ZNF469: variants seen among roughly 807,000 people sequenced by gnomAD.
ZNF469 encodes zinc finger protein 469.
A neutral mutation model predicts 1.0 loss-of-function variants in ZNF469; 1 was observed. The observed-to-expected ratio is 1.00, with a 90% confidence interval of 0.35 to 4.73. ZNF469 has a LOEUF of 4.73. Ranked by LOEUF, ZNF469 falls within the 30% of genes most tolerant of loss-of-function variation. ZNF469 has a pLI of 0.16. For missense variants in ZNF469, 6,100 were observed against 5,356.3 expected, an observed-to-expected ratio of 1.14 and a Z score of -4.33; for synonymous variants, 2,703 against 2,363.4, an observed-to-expected ratio of 1.14 and a Z score of -4.17.
the ZNF469 span, among the ~76,000 whole-genome samples, chr16:88,135,751 T>TTATTC: frequency 5.6e-5 from 3 of 53,982 alleles, 1 homozygote; most frequent in African/African-American, 2.0e-4. Context: ...TGGCCATGTT[T>TTATTC]TTTTTTTTTT....
the ZNF469 span, among the ~76,000 whole-genome samples, chr16:88,228,751 C>G: frequency 6.6e-6 from 1 of 152,194 alleles, no homozygotes; most frequent in South Asian, 2.1e-4. Flanking sequence ...TGAATTGTTT[C>G]AATAGTTGGG....
the ZNF469 span, among the ~76,000 whole-genome samples, chr16:88,268,931 C>T: frequency 1.3e-5 from 2 of 152,330 alleles, no homozygotes; most frequent in East Asian, 1.9e-4. Flanking sequence ...ACACATAGAG[C>T]CCTGGGCCTG....
intron 2 of ZNF469, among the ~76,000 whole-genome samples, chr16:88,426,302 A>G (rs1905697000): frequency 6.6e-6 from 1 of 152,220 alleles, no homozygotes; most frequent in African/African-American, 2.4e-5. Context: ...GGCAAGGACA[A>G]TGCCTGCAAG....
chr16:88,209,385 G>A, the ZNF469 span, among the ~76,000 whole-genome samples: 7 of 151,824 alleles, frequency 4.6e-5, no homozygotes, highest in Admixed American at 6.6e-5. Context: ...CAGCCTCCCA[G>A]GTTCATGCCA....
chr16:88,331,348 TCAC>T, the ZNF469 span, among the ~76,000 whole-genome samples: 1 of 147,074 alleles, frequency 6.8e-6, no homozygotes, highest in Non-Finnish European at 1.5e-5. Context: ...ATCATCCTCC[TCAC>T]CACCATCATC....
chr16:88,154,094 G>A, the ZNF469 span, among the ~76,000 whole-genome samples: 1 of 152,202 alleles, frequency 6.6e-6, no homozygotes, highest in African/African-American at 2.4e-5. Context: ...TCTCCATCAT[G>A]GTGTGTAATG....
At chr16:88,370,942 C>G in the ZNF469 span, among the ~76,000 whole-genome samples, 3 of 152,336 alleles carry the variant, frequency 2.0e-5, no homozygotes, top group East Asian at 1.9e-4. Context: ...GTGAGCCAGG[C>G]TACCTGCTGG....
the ZNF469 span, among the ~76,000 whole-genome samples, chr16:88,180,120 C>G: frequency 1.3e-5 from 1 of 75,626 alleles, no homozygotes; most frequent in Non-Finnish European, 4.0e-5. Context: ...AATTGGCTTT[C>G]ACTTTAAAAA....
the ZNF469 span, among the ~76,000 whole-genome samples, chr16:88,131,146 A>G: frequency 0.067 from 10,171 of 152,278 alleles, 479 homozygotes; most frequent in Admixed American, 0.14. Flanking sequence ...ACCAGTTGGC[A>G]TTTTCAAAAC....
the ZNF469 span, among the ~76,000 whole-genome samples, chr16:88,366,599 TCAC>T: frequency 0.01 from 477 of 45,736 alleles, 7 homozygotes; most frequent in African/African-American, 0.019. Flanking sequence ...ATCATCATTG[TCAC>T]CACAACCACC....
chr16:88,288,076 A>C, the ZNF469 span, among the ~76,000 whole-genome samples: 2 of 151,668 alleles, frequency 1.3e-5, no homozygotes, highest in South Asian at 4.2e-4. Flanking sequence ...TTGTGGAGAA[A>C]CCTTTTTCCT....
the ZNF469 span, among the ~76,000 whole-genome samples, chr16:88,187,164 G>A: frequency 1.3e-5 from 2 of 152,154 alleles, no homozygotes; most frequent in African/African-American, 4.8e-5. Flanking sequence ...AGCTCACCTG[G>A]TGGGGGGAGC....
chr16:88,214,902 G>T, the ZNF469 span, among the ~76,000 whole-genome samples: 3 of 151,380 alleles, frequency 2.0e-5, no homozygotes, highest in Non-Finnish European at 2.9e-5. Context: ...ATTTTTTTTT[G>T]AATAAATACA....
the ZNF469 span, among the ~76,000 whole-genome samples, chr16:88,283,489 T>C: frequency 2.0e-5 from 3 of 152,166 alleles, no homozygotes; most frequent in Admixed American, 2.0e-4. Context: ...CGTCAACAAC[T>C]GTGAGCCTAG....
the ZNF469 span, among the ~76,000 whole-genome samples, chr16:88,233,256 T>A: frequency 6.6e-6 from 1 of 152,192 alleles, no homozygotes; most frequent in African/African-American, 2.4e-5. Flanking sequence ...GTTCTTTGTG[T>A]GTGTAGCCTC....
chr16:88,119,792 G>A, the ZNF469 span, among the ~76,000 whole-genome samples: 1 of 152,224 alleles, frequency 6.6e-6, no homozygotes, highest in South Asian at 2.1e-4. Context: ...GCTCCCTGAA[G>A]CCTGGTCTTG....
the ZNF469 span, among the ~76,000 whole-genome samples, chr16:88,188,362 G>A: frequency 3.3e-5 from 5 of 152,298 alleles, no homozygotes; most frequent in East Asian, 9.7e-4. Context: ...TAGTGTCTGT[G>A]TAGACCTGGG....
chr16:88,296,690 TCA>T, the ZNF469 span, among the ~76,000 whole-genome samples: 4 of 149,874 alleles, frequency 2.7e-5, no homozygotes, highest in Admixed American at 6.6e-5. Flanking sequence ...TCGTGCACAC[TCA>T]CATGTGCAGA....
the ZNF469 span, among the ~76,000 whole-genome samples, chr16:88,277,301 A>G: frequency 6.6e-6 from 1 of 151,046 alleles, no homozygotes; most frequent in Non-Finnish European, 1.5e-5. Context: ...CTCAGTCAGT[A>G]CCATGTAGAT....
Sources: gnomAD v4.1 joint callset for allele counts (sites outside exome capture counted in the v4.1 genomes callset) on GRCh38, gnomAD v4.1.1 for gene constraint, MANE v1.5 for transcripts, NCBI Gene and HGNC (gene_info 2026-07-23, HGNC 2026-07-21) for gene names.